Variants in GALR2 observed in about 807,000 individuals in gnomAD.
GALR2 encodes the protein galanin receptor 2.
A neutral mutation model predicts 7.2 loss-of-function variants in GALR2; 5 were observed. The ratio of observed to expected loss-of-function variants is 0.69; its 90% CI spans 0.36 to 1.45. GALR2 has a LOEUF of 1.45. GALR2 is among the 40% of genes most tolerant of loss of function. GALR2 has a pLI of 0.03. For synonymous variants in GALR2, 300 were observed against 263.9 expected, an observed-to-expected ratio of 1.14 and a Z score of -1.32; for missense variants, 561 against 555.7, an observed-to-expected ratio of 1.01 and a Z score of -0.10.
chr17:76,076,924 C>G lies in GALR2; in HGVS notation c.657C>G (p.Asp219Glu). The G allele has an allele frequency of 6.2e-7, 1 of 1,602,154 alleles. No homozygotes were observed. Among genetic ancestry groups the G allele is most frequent in the Non-Finnish European group, 8.5e-7 (1 of 1,178,468 alleles). ...RTLRYLWRAV[D>E]PVAAGSGARR... ...TGCGCTACCTCTGGCGCGCCGTCGACCCGGTGGCCGCGGGCTCGGGTGCCC... is the reference window on the plus strand; with the variant it reads ...TGCGCTACCTCTGGCGCGCCGTCGAGCCGGTGGCCGCGGGCTCGGGTGCCC... The change falls in exon 2 of 2, where the codon GAC becomes GAG. Residue 219 changes from aspartate to glutamate, a missense_variant. Coordinates refer to ENST00000329003, the MANE Select transcript of GALR2 (RefSeq NM_003857.4). The surrounding 1 kb of genome is among the most constrained non-coding windows in gnomAD (Gnocchi z 6.5).
At position 76,076,831 on chromosome 17, in the gene GALR2, C is replaced by T; in HGVS notation, c.564C>T (p.Asp188=). The T allele has an allele frequency of 6.2e-7, 1 of 1,605,508 alleles. No individual in the cohort carries two copies. Residue 188 remains aspartate (D), a synonymous_variant, in exon 2 of 2, where the codon GAC becomes GAT. Coordinates refer to ENST00000329003, the MANE Select transcript of GALR2 (RefSeq NM_003857.4). This position sits in a 1 kb window ranked among gnomAD's most constrained non-coding sequence, Gnocchi z 6.5. ...GCGCCCCTCGCCGCCGCGCCATGGACATCTGCACCTTCGTCTTCAGCTACC... is the reference window on the plus strand; with the variant it reads ...GCGCCCCTCGCCGCCGCGCCATGGATATCTGCACCTTCGTCTTCAGCTACC... ...AWSAPRRRAM[D]ICTFVFSYLL...
chr17:76,077,339 G>A lies in GALR2; in HGVS notation c.1072G>A (p.Ala358Thr). The A allele has an allele frequency of 6.4e-7, 1 of 1,556,622 alleles. No individual in the cohort carries two copies. Among genetic ancestry groups the A allele is most frequent in the Non-Finnish European group, 8.6e-7 (1 of 1,158,960 alleles). ...AAGALRPCPG[A>T]SQPCILEPCP... Reference sequence around the variant, plus strand: ...GGGGGCCCTTCGTCCCTGCCCCGGCGCTTCCCAGCCATGCATCCTCGAGCC... The same window carrying A: ...GGGGGCCCTTCGTCCCTGCCCCGGCACTTCCCAGCCATGCATCCTCGAGCC... Residue 358 changes from alanine (A) to threonine (T), a missense_variant, in exon 2 of 2, where the codon GCT becomes ACT. Physicochemically the swap from Ala to Thr is moderately conservative, Grantham distance 58 (BLOSUM62 0). Coordinates refer to ENST00000329003, the MANE Select transcript of GALR2 (RefSeq NM_003857.4).
In GALR2 at chr17:76,077,165, C is replaced by T. The variant is rs778084055; in HGVS notation, c.898C>T (p.Arg300Cys). The T allele has an allele frequency of 3.7e-6, 6 of 1,612,266 alleles. No individual in the cohort carries two copies. The East Asian group carries it at 1.1e-4, about 30-fold the overall frequency. ...IVYALVSKHF[R>C]KGFRTICAGL... ...TTACGCGCTGGTCTCCAAGCACTTCCGCAAAGGCTTCCGCACGATCTGCGC... is the reference window on the plus strand; with the variant it reads ...TTACGCGCTGGTCTCCAAGCACTTCTGCAAAGGCTTCCGCACGATCTGCGC... The change falls in exon 2 of 2, where the codon CGC (arginine) becomes TGC (cysteine). Residue 300 changes from arginine (R) to cysteine (C), a missense_variant. Transcript: ENST00000329003.
chr17:76,075,235 G>C lies in GALR2; in HGVS notation c.352G>C (p.Ala118Pro), dbSNP rs1567940975. 6.2e-7 allele frequency: 1 copy of C among 1,603,612 alleles called. No homozygotes were observed. The highest frequency in any genetic ancestry group is 8.5e-7 in the Non-Finnish European group (1 of 1,179,282). The change falls in exon 1 of 2, where the codon GCC becomes CCC. Residue 118 changes from alanine to proline, a missense_variant. Coordinates refer to ENST00000329003, the MANE Select transcript of GALR2 (RefSeq NM_003857.4). The surrounding 1 kb of genome is among the most constrained non-coding windows in gnomAD (Gnocchi z 5.9). ...TMHASSFTLA[A>P]VSLDRYLAIR... ...GCACGCCAGCAGCTTCACGCTGGCCGCCGTCTCCCTGGACAGGTGAGCCAG... is the reference window on the plus strand; with the variant it reads ...GCACGCCAGCAGCTTCACGCTGGCCCCCGTCTCCCTGGACAGGTGAGCCAG...
rs1317262558 is a variant in GALR2, at chr17:76,076,623, G to C, written c.369-13G>C. 2.6e-6 allele frequency: 4 copies of C among 1,554,392 alleles called. No homozygotes were observed. Among genetic ancestry groups the C allele is most frequent in the African/African-American group, 1.3e-5 (1 of 74,182 alleles). On this transcript the variant is annotated splice_polypyrimidine_tract_variant and intron_variant, in intron 1 of 1. Coordinates refer to ENST00000329003, the MANE Select transcript of GALR2 (RefSeq NM_003857.4). The surrounding 1 kb of genome is among the most constrained non-coding windows in gnomAD (Gnocchi z 6.5). ...CCGCTCAGCCGACGTCTCCCTTCCC[G>C]GTCTGACCGCAGGTATCTGGCCATC...
chr17:76,075,150 C>G lies in GALR2; in HGVS notation c.267C>G (p.Asp89Glu). The part of the protein sequence containing the change: ...VPFQATIYTL[D>E]GWVFGSLLCK... Reference sequence around the variant, plus strand: ...TCCAGGCCACCATCTACACCCTGGACGGCTGGGTGTTCGGCTCGCTGCTGT... The same window carrying G: ...TCCAGGCCACCATCTACACCCTGGAGGGCTGGGTGTTCGGCTCGCTGCTGT... Residue 89 changes from aspartate (D) to glutamate (E), a missense_variant, in exon 1 of 2, where the codon GAC (aspartate) becomes GAG (glutamate). Asp to Glu is a conservative substitution (Grantham distance 45). Transcript: ENST00000329003. The surrounding 1 kb of genome is among the most constrained non-coding windows in gnomAD (Gnocchi z 5.9). 1 of 1,612,396 alleles carries G rather than the reference C, an allele frequency of 6.2e-7. No homozygotes were observed. The highest frequency in any genetic ancestry group is 8.5e-7 in the Non-Finnish European group (1 of 1,179,792).
chr17:76,072,718 C>G (rs1424541122), upstream of GALR2: 2 of 798,230 alleles, frequency 2.5e-6, no homozygotes, highest in East Asian at 6.1e-5. This position sits in a 1 kb window ranked among gnomAD's most constrained non-coding sequence, Gnocchi z 4.5. Flanking sequence ...CGCAGTGAGA[C>G]CGTGGCTGCT....
In GALR2 at chr17:76,075,130, G is replaced by A. The variant is rs143605647; in HGVS notation, c.247G>A (p.Ala83Thr). 3 of 1,611,892 alleles carry A rather than the reference G, an allele frequency of 1.9e-6. No homozygotes were observed. The highest frequency in any genetic ancestry group is 2.7e-5 in the African/African-American group (2 of 74,594). The change falls in exon 1 of 2, where the codon GCC (alanine) becomes ACC (threonine). Residue 83 changes from alanine to threonine, a missense_variant. Coordinates refer to ENST00000329003, the MANE Select transcript of GALR2 (RefSeq NM_003857.4). This position sits in a 1 kb window ranked among gnomAD's most constrained non-coding sequence, Gnocchi z 5.9. Reference protein sequence around the residue: ...CFILCCVPFQATIYTLDGWVF... With the variant: ...CFILCCVPFQTTIYTLDGWVF... ...CATCCTGTGCTGCGTGCCCTTCCAG[G>A]CCACCATCTACACCCTGGACGGCTG...
At position 76,077,350 on chromosome 17, in the gene GALR2, A is replaced by T; in HGVS notation, c.1083A>T (p.Pro361=). The T allele has an allele frequency of 6.5e-7, 1 of 1,544,884 alleles. No homozygotes were observed. The highest frequency in any genetic ancestry group is 8.7e-7 in the Non-Finnish European group (1 of 1,152,930). ...GTCCCTGCCCCGGCGCTTCCCAGCC[A>T]TGCATCCTCGAGCCCTGTCCTGGCC... ...ALRPCPGASQ[P]CILEPCPGPS... The change falls in exon 2 of 2, where the codon CCA becomes CCT. Residue 361 remains proline, a synonymous_variant. Coordinates refer to ENST00000329003, the MANE Select transcript of GALR2 (RefSeq NM_003857.4).
At chr17:76,073,079 G>A (rs2066868837), upstream of GALR2, among the ~76,000 whole-genome samples, 1 of 152,148 alleles carries the variant, frequency 6.6e-6, no homozygotes, top group Non-Finnish European at 1.5e-5. Context: ...TGCACTTTGG[G>A]GCCGTCAGTC....
rs754913641 is a variant in GALR2 at position 76,075,051 on chromosome 17, G to A, written c.168G>A (p.Ala56=). The change falls in exon 1 of 2, where the codon GCG becomes GCA. Residue 56 remains alanine (A), a synonymous_variant. Coordinates refer to ENST00000329003, the MANE Select transcript of GALR2 (RefSeq NM_003857.4). The surrounding 1 kb of genome is among the most constrained non-coding windows in gnomAD (Gnocchi z 5.9). ...CGGTGCTGCTGCGCGGCGGCCAGGC[G>A]GTCAGCACTACCAACCTGTTCATCC... The part of the protein sequence containing the change: ...VLAVLLRGGQ[A]VSTTNLFILN... 1.9e-6 allele frequency: 3 copies of A among 1,611,430 alleles called. No homozygotes were observed. The highest frequency in any genetic ancestry group is 2.5e-6 in the Non-Finnish European group (3 of 1,179,982).
chr17:76,073,714 T>A (rs1299092250), upstream of GALR2, among the ~76,000 whole-genome samples: 1 of 151,416 alleles, frequency 6.6e-6, no homozygotes, highest in East Asian at 2.0e-4. Flanking sequence ...TCTCAGCAGA[T>A]CCCTCTTAGA....
upstream of GALR2, chr17:76,072,137 T>G: frequency 7.7e-7 from 1 of 1,297,444 alleles, no homozygotes; most frequent in Non-Finnish European, 1.0e-6. This position sits in a 1 kb window ranked among gnomAD's most constrained non-coding sequence, Gnocchi z 4.5. Flanking sequence ...GAAAGACTAG[T>G]CGAGAGACAG....
chr17:76,077,239 T>C lies in GALR2; in HGVS notation c.972T>C (p.Ala324=). 6.2e-7 allele frequency: 1 copy of C among 1,605,848 alleles called. No individual in the cohort carries two copies. Among genetic ancestry groups the C allele is most frequent in the Non-Finnish European group, 8.5e-7 (1 of 1,177,206 alleles). ...APGRASGRVC[A]AARGTHSGSV... is the part of the protein sequence containing the mutation. ...GCCGAGCCTCGGGCCGTGTGTGCGCTGCCGCGCGGGGCACCCACAGTGGCA... is the reference window on the plus strand; with the variant it reads ...GCCGAGCCTCGGGCCGTGTGTGCGCCGCCGCGCGGGGCACCCACAGTGGCA... The change falls in exon 2 of 2, where the codon GCT becomes GCC. Residue 324 remains alanine, a synonymous_variant. Coordinates refer to ENST00000329003, the MANE Select transcript of GALR2 (RefSeq NM_003857.4).
Position 76,075,368 on chromosome 17 carries a change from G to C in GALR2, c.368+117G>C. ...AGTGGGACAGGACACTAAGAAGGCA[G>C]TGGAAGACAAGCGGGCGCGGAGGAG... On this transcript the variant is annotated intron_variant, in intron 1 of 1. Transcript: ENST00000329003. The surrounding 1 kb of genome is among the most constrained non-coding windows in gnomAD (Gnocchi z 5.9). The C allele has an allele frequency of 1.8e-6, 2 of 1,140,730 alleles. No homozygotes were observed. The highest frequency in any genetic ancestry group is 2.5e-6 in the Non-Finnish European group (2 of 811,856). 70.7% of individuals were successfully genotyped at this position (1,140,730 alleles called of 1,614,324 possible).
chr17:76,076,962 G>T lies in GALR2; in HGVS notation c.695G>T (p.Arg232Leu). 6.2e-7 allele frequency: 1 copy of T among 1,604,376 alleles called. No homozygotes were observed. Among genetic ancestry groups the T allele is most frequent in the African/African-American group, 1.3e-5 (1 of 74,992 alleles). Residue 232 changes from arginine (R) to leucine (L), a missense_variant, in exon 2 of 2, where the codon CGC becomes CTC. Arg to Leu is a moderately radical substitution (Grantham distance 102). Coordinates refer to ENST00000329003, the MANE Select transcript of GALR2 (RefSeq NM_003857.4). This position sits in a 1 kb window ranked among gnomAD's most constrained non-coding sequence, Gnocchi z 6.5. ...GGCTCGGGTGCCCGGCGCGCCAAGCGCAAGGTGACACGCATGATCCTCATC... is the reference window on the plus strand; with the variant it reads ...GGCTCGGGTGCCCGGCGCGCCAAGCTCAAGGTGACACGCATGATCCTCATC... Reference protein sequence around the residue: ...AAGSGARRAKRKVTRMILIVA... With the variant: ...AAGSGARRAKLKVTRMILIVA...
At chr17:76,073,246 A>G (rs2066869725), upstream of GALR2, among the ~76,000 whole-genome samples, 1 of 151,580 alleles carries the variant, frequency 6.6e-6, no homozygotes, top group Non-Finnish European at 1.5e-5. Flanking sequence ...TCCTTCATCT[A>G]TGAAATGGGG....
Position 76,075,486 on chromosome 17 carries a change from G to T in GALR2, c.368+235G>T, listed in dbSNP as rs1487150402. ...CTGGAGAATGTGGCTCTCCAGCGCC[G>T]CCCGTGCCTGACAACGCGCAGCGTT... On this transcript the variant is annotated intron_variant, in intron 1 of 1. Coordinates refer to ENST00000329003, the MANE Select transcript of GALR2 (RefSeq NM_003857.4). This position sits in a 1 kb window ranked among gnomAD's most constrained non-coding sequence, Gnocchi z 5.9. 6.6e-6 allele frequency among the ~76,000 whole-genome samples: 1 copy of T among 152,242 alleles called. No individual in the cohort carries two copies. The highest frequency in any genetic ancestry group is 6.5e-5 in the Admixed American group (1 of 15,290).
Position 76,076,486 on chromosome 17 carries a change from G to A in GALR2, c.369-150G>A, listed in dbSNP as rs2066888957. ...AGGCCCCCACCTCCGCCCTCACGCC[G>A]AGCCTCACCCCCACCTCCTCTGTGT... On this transcript the variant is annotated intron_variant, in intron 1 of 1. Coordinates refer to ENST00000329003, the MANE Select transcript of GALR2 (RefSeq NM_003857.4). The surrounding 1 kb of genome is among the most constrained non-coding windows in gnomAD (Gnocchi z 6.5). 9 of 581,714 alleles carry A rather than the reference G, an allele frequency of 1.5e-5. No individual in the cohort carries two copies. The highest frequency in any genetic ancestry group is 8.9e-5 in the South Asian group (4 of 45,006). The allele number at this position is 581,714 out of a possible 1,614,324, so 36.0% of individuals were successfully genotyped here.
Sources: allele counts gnomAD v4.1 joint callset (sites outside exome capture counted in the v4.1 genomes callset), GRCh38; gene constraint gnomAD v4.1.1; non-coding constraint Gnocchi (gnomAD v3.1); transcripts MANE v1.5; gene names NCBI Gene and HGNC (gene_info 2026-07-23, HGNC 2026-07-21).